DPP6: variants seen among roughly 807,000 people sequenced by gnomAD.
DPP6 encodes the protein A-type potassium channel modulatory protein DPP6.
DPP6 carries 69 observed loss-of-function variants against 122.6 expected under a neutral mutation model. The ratio of observed to expected loss-of-function variants is 0.56; its 90% confidence interval spans 0.46 to 0.69. The LOEUF (loss-of-function observed/expected upper bound fraction) is 0.69, where lower values mean the gene tolerates loss of function less well. DPP6 is among the 30% of genes least tolerant of loss of function. The probability of loss-of-function intolerance (pLI) is 0.00; values close to 1 mark genes in which losing one functional copy is unlikely to be tolerated. For missense variants in DPP6, 928 were observed against 1,116.9 expected (o/e 0.83, Z 2.41); for synonymous variants, 418 against 433.1 (o/e 0.97, Z 0.43).
At chr7:154,132,586 G>A (rs56019595) in intron 1 of DPP6, among the ~76,000 whole-genome samples, 65,007 of 151,426 alleles carry the variant, frequency 0.43, 14,916 homozygotes, top group Non-Finnish European at 0.52. Context: ...TCCTCATTTC[G>A]GTTCAGTAGT....
the DPP6 span, among the ~76,000 whole-genome samples, chr7:153,763,721 C>T: frequency 2.0e-5 from 3 of 151,860 alleles, no homozygotes; most frequent in Non-Finnish European, 2.9e-5. Context: ...GCGTAGTTTA[C>T]GTAACATTGA....
chr7:154,636,276 G>A (rs936670501), intron 5 of DPP6, among the ~76,000 whole-genome samples: 7 of 152,156 alleles, frequency 4.6e-5, no homozygotes, highest in South Asian at 2.1e-4. Flanking sequence ...TGAAGAAGCC[G>A]TTCCAGCTCA....
chr7:154,386,437 G>A (rs35090097), intron 1 of DPP6, among the ~76,000 whole-genome samples: 18,267 of 152,036 alleles, frequency 0.12, 1,215 homozygotes, highest in South Asian at 0.17. Flanking sequence ...TTTGGGGGGT[G>A]TGCAAGAGGG....
chr7:154,142,095 T>A (rs1795875303), intron 1 of DPP6, among the ~76,000 whole-genome samples: 1 of 152,288 alleles, frequency 6.6e-6, no homozygotes, highest in East Asian at 1.9e-4. Flanking sequence ...TTGAAAGATA[T>A]CGTACTCCCA....
At chr7:153,764,568 A>G in the DPP6 span, among the ~76,000 whole-genome samples, 1 of 152,010 alleles carries the variant, frequency 6.6e-6, no homozygotes, top group Non-Finnish European at 1.5e-5. Flanking sequence ...GGATGTGACA[A>G]ATACACAAAG....
At chr7:154,778,686 C>T (rs937444441) in intron 10 of DPP6, among the ~76,000 whole-genome samples, 6 of 151,332 alleles carry the variant, frequency 4.0e-5, no homozygotes, top group African/African-American at 1.5e-4. Flanking sequence ...ACCTTCACCA[C>T]CAGCTCCACC....
the DPP6 span, among the ~76,000 whole-genome samples, chr7:153,864,355 T>TA: frequency 6.6e-6 from 1 of 152,112 alleles, no homozygotes; most frequent in African/African-American, 2.4e-5. Flanking sequence ...ACTTACGTTT[T>TA]AAAAAATATA....
At position 153,967,403 on chromosome 7, in the gene DPP6, C is replaced by T. The variant is rs561857555; in HGVS notation, c.51+79669C>T. On this transcript the variant is annotated intron_variant, in intron 1 of 25. Coordinates refer to the DPP6 transcript ENST00000404039. Reference sequence around the variant, plus strand: ...AGCCACTGTGGAAAAGAGGCCGGAGCATGAACAAGGAGCATCTAACTTCAG... The same window carrying T: ...AGCCACTGTGGAAAAGAGGCCGGAGTATGAACAAGGAGCATCTAACTTCAG... Among the ~76,000 whole-genome samples, 4 of 152,270 alleles carry T rather than the reference C, an allele frequency of 2.6e-5. No individual in the cohort carries two copies. In the East Asian group the frequency reaches 7.7e-4, roughly 29 times the overall value.
intron 8 of DPP6, among the ~76,000 whole-genome samples, chr7:154,761,632 G>A (rs764543512): frequency 6.6e-6 from 1 of 152,210 alleles, no homozygotes; most frequent in Non-Finnish European, 1.5e-5. Context: ...ATGGGGAGCA[G>A]GTGCATCACG....
intron 1 of DPP6, among the ~76,000 whole-genome samples, chr7:154,149,126 AC>A (rs1796276372): frequency 6.6e-6 from 1 of 152,096 alleles, no homozygotes. Context: ...CAGTCCGTGA[AC>A]CCCCAGGATA....
At chr7:154,289,309 G>A (rs1162903106) in intron 1 of DPP6, among the ~76,000 whole-genome samples, 2 of 152,192 alleles carry the variant, frequency 1.3e-5, no homozygotes, top group East Asian at 1.9e-4. Context: ...TGCAGGATGA[G>A]CAGAGGCTGT....
intron 1 of DPP6, among the ~76,000 whole-genome samples, chr7:153,914,667 T>G (rs1176229358): frequency 6.6e-6 from 1 of 152,238 alleles, no homozygotes; most frequent in Non-Finnish European, 1.5e-5. Context: ...TCTCATGAGT[T>G]TATTTTGAAT....
chr7:154,088,218 G>T (rs1804568754), intron 1 of DPP6, among the ~76,000 whole-genome samples: 1 of 151,992 alleles, frequency 6.6e-6, no homozygotes, highest in Non-Finnish European at 1.5e-5. Context: ...TCTGGGAGGG[G>T]CTGTGCTCTC....
At chr7:154,708,900 C>T (rs1844215) in intron 7 of DPP6, among the ~76,000 whole-genome samples, 26,818 of 151,834 alleles carry the variant, frequency 0.18, 2,738 homozygotes, top group East Asian at 0.29. Flanking sequence ...ATACAAAAAT[C>T]AGCTGGGCAT....
intron 1 of DPP6, among the ~76,000 whole-genome samples, chr7:153,993,497 A>G (rs28611288): frequency 0.4 from 61,383 of 151,628 alleles, 10,852 homozygotes; most frequent in Middle Eastern, 0.5. Flanking sequence ...ATTCTTCGTG[A>G]TGTATCAACC....
At chr7:154,077,679 T>TTA (rs1803663189) in intron 1 of DPP6, among the ~76,000 whole-genome samples, 5 of 147,362 alleles carry the variant, frequency 3.4e-5, no homozygotes, top group African/African-American at 7.5e-5. Context: ...TATTATTATT[T>TTA]TTTTTTTTTT....
rs187938041 is a variant in DPP6, at chr7:154,621,563, C to T, written c.628-16258C>T. Among the ~76,000 whole-genome samples the T allele has an allele frequency of 1.5e-3, 228 of 151,984 alleles. 3 individuals carry two copies. Among genetic ancestry groups the T allele is most frequent in the African/African-American group, 4.8e-3 (198 of 41,436 alleles). The stretch of plus-strand genomic sequence containing the variant: ...TTTGTATTTTTAGTAGAGACGGTTT[C>T]GCCATGTTGGCCAGGCTGGTCTTGA... On this transcript the variant is annotated intron_variant, in intron 5 of 25. Transcript: ENST00000377770.
chr7:154,524,556 C>G (rs1048597496), intron 3 of DPP6, among the ~76,000 whole-genome samples: 3 of 152,148 alleles, frequency 2.0e-5, no homozygotes, highest in African/African-American at 7.2e-5. Flanking sequence ...TCTTGGATGA[C>G]TGGAGCAACT....
At chr7:154,765,691 G>A (rs1221415920) in intron 8 of DPP6, among the ~76,000 whole-genome samples, 1 of 152,166 alleles carries the variant, frequency 6.6e-6, no homozygotes, top group Non-Finnish European at 1.5e-5. Flanking sequence ...AGCAGCCATT[G>A]AACACCGACT....
Sources: gnomAD v4.1 joint callset for allele counts (sites outside exome capture counted in the v4.1 genomes callset) on GRCh38, gnomAD v4.1.1 for gene constraint, MANE v1.5 for transcripts, NCBI Gene and HGNC (gene_info 2026-07-23, HGNC 2026-07-21) for gene names.